ERBB4: variants seen among roughly 807,000 people sequenced by gnomAD.
ERBB4 encodes the protein erb-b2 receptor tyrosine kinase 4.
ERBB4 carries 42 observed loss-of-function variants against 158.0 expected under a neutral mutation model. The ratio of observed to expected loss-of-function variants is 0.27; its 90% CI spans 0.21 to 0.34. The LOEUF (loss-of-function observed/expected upper bound fraction) is 0.34, where lower values mean the gene tolerates loss of function less well. Ranked by LOEUF, ERBB4 falls within the 10% of genes least tolerant of loss-of-function variation. ERBB4 has a pLI of 1.00. For missense variants in ERBB4, 1,333 were observed against 1,624.1 expected (o/e 0.82, Z 3.08); for synonymous variants, 583 against 558.7 (o/e 1.04, Z -0.61).
chr2:212,285,531 T>G (rs938015871), intron 1 of ERBB4, among the ~76,000 whole-genome samples: 1 of 152,052 alleles, frequency 6.6e-6, no homozygotes, highest in Non-Finnish European at 1.5e-5. Context: ...GAGTAGTGGG[T>G]TAGGTGGTAA....
intron 20 of ERBB4, among the ~76,000 whole-genome samples, chr2:211,496,014 A>G (rs1215279595): frequency 6.6e-6 from 1 of 152,052 alleles, no homozygotes; most frequent in East Asian, 1.9e-4. Flanking sequence ...TATTTGACCC[A>G]TCAACAGCAC....
intron 4 of ERBB4, among the ~76,000 whole-genome samples, chr2:211,767,131 C>T (rs150418748): frequency 6.6e-6 from 1 of 152,202 alleles, no homozygotes; most frequent in East Asian, 1.9e-4. Flanking sequence ...GTGTAGAGTA[C>T]TTTTGTTTTA....
intron 2 of ERBB4, among the ~76,000 whole-genome samples, chr2:211,978,392 G>GTCTCTTTCTATCTATCTATCTATCTA (rs1165469722): frequency 6.5e-4 from 66 of 102,316 alleles, no homozygotes; most frequent in Admixed American, 2.7e-3. Flanking sequence ...CTGTCTGTCT[G>GTCTCTTTCTATCTATCTATCTATCTA]TCTGTCTATC....
At chr2:211,491,632 T>C (rs1445698958) in intron 20 of ERBB4, among the ~76,000 whole-genome samples, 1 of 152,032 alleles carries the variant, frequency 6.6e-6, no homozygotes, top group Non-Finnish European at 1.5e-5. Context: ...TTATAAATAA[T>C]AAATTATAAA....
At chr2:211,630,012 A>G (rs951205724) in intron 17 of ERBB4, among the ~76,000 whole-genome samples, 1 of 152,222 alleles carries the variant, frequency 6.6e-6, no homozygotes, top group African/African-American at 2.4e-5. Context: ...CTAAAACACC[A>G]AAAGCAATGG....
intron 1 of ERBB4, among the ~76,000 whole-genome samples, chr2:212,220,561 GTGC>G (rs1455300111): frequency 2.0e-5 from 3 of 151,326 alleles, no homozygotes; most frequent in African/African-American, 7.3e-5. Flanking sequence ...TATATAGCAG[GTGC>G]TGACTTCTTG....
chr2:212,237,812 T>C (rs1421102193), intron 1 of ERBB4, among the ~76,000 whole-genome samples: 2 of 152,198 alleles, frequency 1.3e-5, no homozygotes, highest in African/African-American at 4.8e-5. Flanking sequence ...CCTGGCTACA[T>C]CGGCTTTGCA....
At chr2:211,543,202 G>C (rs1250294938) in intron 20 of ERBB4, among the ~76,000 whole-genome samples, 2 of 151,760 alleles carry the variant, frequency 1.3e-5, no homozygotes, top group Non-Finnish European at 2.9e-5. Context: ...TCACCAGTAG[G>C]AAAAGCAAAA....
intron 16 of ERBB4, among the ~76,000 whole-genome samples, chr2:211,642,241 G>T (rs376433717): frequency 1.3e-5 from 2 of 151,616 alleles, no homozygotes; most frequent in East Asian, 3.9e-4. Context: ...TCTTATCAAG[G>T]TCATCCAATG....
chr2:211,848,432 T>A (rs1281832459), intron 3 of ERBB4, among the ~76,000 whole-genome samples: 1 of 151,946 alleles, frequency 6.6e-6, no homozygotes, highest in African/African-American at 2.4e-5. Context: ...CCTAATGGAG[T>A]AAAATGACAC....
chr2:211,661,157 A>G (rs1235279008), intron 15 of ERBB4, among the ~76,000 whole-genome samples: 1 of 152,192 alleles, frequency 6.6e-6, no homozygotes, highest in Non-Finnish European at 1.5e-5. Context: ...ATGAAAGAAA[A>G]AAATGAAAGA....
chr2:212,247,425 A>G (rs889600369), intron 1 of ERBB4, among the ~76,000 whole-genome samples: 1 of 152,122 alleles, frequency 6.6e-6, no homozygotes, highest in Non-Finnish European at 1.5e-5. Context: ...TTTCCCCCTG[A>G]TATTTGGGGT....
chr2:211,450,155 T>G (rs2064209105), intron 20 of ERBB4, among the ~76,000 whole-genome samples: 1 of 152,104 alleles, frequency 6.6e-6, no homozygotes, highest in Non-Finnish European at 1.5e-5. Context: ...GAACTGGGAT[T>G]AGAGAAATTA....
chr2:211,625,459 G>A (rs904359477), intron 17 of ERBB4, among the ~76,000 whole-genome samples: 1 of 152,064 alleles, frequency 6.6e-6, no homozygotes, highest in African/African-American at 2.4e-5. Context: ...TAGGAAGAAC[G>A]TAATAAAAAA....
At chr2:211,799,134 A>T (rs1039036716) in intron 3 of ERBB4, among the ~76,000 whole-genome samples, 1 of 152,118 alleles carries the variant, frequency 6.6e-6, no homozygotes, top group Admixed American at 6.5e-5. Context: ...TGTACAAGAG[A>T]GCTGAGCTCT....
At chr2:212,485,213 T>TC (rs144432058) in intron 1 of ERBB4, among the ~76,000 whole-genome samples, 3,150 of 152,302 alleles carry the variant, frequency 0.021, 109 homozygotes, top group African/African-American at 0.072. Flanking sequence ...TAGTTTTTTT[T>TC]CTTCAATTCT....
At chr2:212,035,600 T>C (rs773292574) in intron 2 of ERBB4, among the ~76,000 whole-genome samples, 5 of 152,192 alleles carry the variant, frequency 3.3e-5, no homozygotes, top group Admixed American at 6.5e-5. Context: ...ATTGTTTCTA[T>C]TTTTACATTT....
intron 19 of ERBB4, among the ~76,000 whole-genome samples, chr2:211,617,261 T>C (rs1026871069): frequency 6.6e-6 from 1 of 152,098 alleles, no homozygotes; most frequent in Non-Finnish European, 1.5e-5. Flanking sequence ...GCTGGCAAGA[T>C]TTTTTCTACC....
intron 3 of ERBB4, among the ~76,000 whole-genome samples, chr2:211,923,046 T>C (rs569687533): frequency 3.3e-5 from 5 of 152,190 alleles, no homozygotes; most frequent in Non-Finnish European, 7.4e-5. Flanking sequence ...ATGTCAGTTA[T>C]TCCACGTAAA....
Sources: allele counts gnomAD v4.1 joint callset (sites outside exome capture counted in the v4.1 genomes callset), GRCh38; gene constraint gnomAD v4.1.1; transcripts MANE v1.5; gene names NCBI Gene and HGNC (gene_info 2026-07-23, HGNC 2026-07-21).